Variants in RARB observed in about 807,000 individuals in gnomAD.
RARB encodes the protein HBV-activated protein.
A neutral mutation model predicts 51.9 loss-of-function variants in RARB; 17 were observed. The observed-to-expected ratio is 0.33, with a 90% CI of 0.22 to 0.49. The LOEUF is 0.49. RARB is among the 20% of genes least tolerant of loss of function. The pLI, the probability that RARB is intolerant of heterozygous loss-of-function variation, is 0.99. For synonymous variants in RARB, 215 were observed against 195.4 expected, an observed-to-expected ratio of 1.10 and a Z score of -0.84; for missense variants, 369 against 550.8, an observed-to-expected ratio of 0.67 and a Z score of 3.30.
intron 2 of RARB, among the ~76,000 whole-genome samples, chr3:24,993,964 A>G (rs1428582257): frequency 6.6e-6 from 1 of 152,166 alleles, no homozygotes; most frequent in Non-Finnish European, 1.5e-5. Context: ...TGCAGTAAAC[A>G]TGGGATTGCA....
rs185054377 is a variant in RARB at position 24,980,029 on chromosome 3, G to A, written c.-379-80096G>A. On this transcript the variant is annotated intron_variant, in intron 2 of 11. Coordinates refer to the RARB transcript ENST00000383772. ...ATTTTATTTCTCCTTCACTTATGAA[G>A]CTTAGTTTGGCTGGATATGAAATTC... 5.5e-3 allele frequency among the ~76,000 whole-genome samples: 833 copies of A among 152,236 alleles called. 7 individuals are homozygous for A. Among genetic ancestry groups the A allele is most frequent in the African/African-American group, 0.019 (790 of 41,526 alleles).
intron 5 of RARB, among the ~76,000 whole-genome samples, chr3:25,371,340 C>T (rs1399125885): frequency 2.0e-5 from 3 of 152,156 alleles, no homozygotes; most frequent in Non-Finnish European, 2.9e-5. Flanking sequence ...GAGGGTAGCA[C>T]CATTCAACCT....
rs527778542 is a variant in RARB, at chr3:25,412,887, C to T, written c.179-48306C>T. 2.7e-3 allele frequency among the ~76,000 whole-genome samples: 404 copies of T among 152,106 alleles called. 2 individuals carry two copies. The highest frequency in any genetic ancestry group is 8.8e-3 in the African/African-American group (367 of 41,474). On this transcript the variant is annotated intron_variant, in intron 5 of 11. Transcript: ENST00000383772. Reference sequence around the variant, plus strand: ...ATACAAAATTATCCAGGCATGGTGGCGCATGCCTGTAATCCCACCTATTCA... The same window carrying T: ...ATACAAAATTATCCAGGCATGGTGGTGCATGCCTGTAATCCCACCTATTCA...
intron 2 of RARB, among the ~76,000 whole-genome samples, chr3:25,496,742 CAG>C (rs1329500599): frequency 1.3e-5 from 2 of 152,224 alleles, no homozygotes; most frequent in African/African-American, 4.8e-5. Flanking sequence ...TTAGATCAGT[CAG>C]AGAAGGCTTC....
intron 5 of RARB, among the ~76,000 whole-genome samples, chr3:25,197,836 C>T (rs1344783985): frequency 1.3e-5 from 2 of 151,810 alleles, no homozygotes; most frequent in Non-Finnish European, 2.9e-5. Context: ...AAAATCAATA[C>T]TGTTAAAATC....
chr3:25,521,039 A>G (rs1009138880), intron 3 of RARB, among the ~76,000 whole-genome samples: 9 of 152,204 alleles, frequency 5.9e-5, no homozygotes, highest in Admixed American at 5.9e-4. Context: ...GTGCTTTGAG[A>G]AATCAAAATG....
intron 3 of RARB, among the ~76,000 whole-genome samples, chr3:25,096,187 T>A (rs949054388): frequency 6.6e-6 from 1 of 152,250 alleles, no homozygotes; most frequent in Non-Finnish European, 1.5e-5. Flanking sequence ...TGTCTCCCAC[T>A]GGACTTCACT....
intron 2 of RARB, among the ~76,000 whole-genome samples, chr3:24,983,213 A>G (rs1366556115): frequency 3.3e-5 from 5 of 152,008 alleles, no homozygotes; most frequent in Admixed American, 3.3e-4. Context: ...TGCCAACCTC[A>G]TTATATCTTT....
intron 5 of RARB, among the ~76,000 whole-genome samples, chr3:25,228,721 G>T (rs1559514138): frequency 6.6e-6 from 1 of 152,012 alleles, no homozygotes; most frequent in African/African-American, 2.4e-5. Flanking sequence ...CTCTATGTGT[G>T]ACTTTTTGTG....
At chr3:25,364,128 T>A (rs754833939) in intron 5 of RARB, among the ~76,000 whole-genome samples, 119 of 152,344 alleles carry the variant, frequency 7.8e-4, no homozygotes, top group Middle Eastern at 6.8e-3. Context: ...TATCTATTCT[T>A]TTTTTGTTTT....
rs1412328032 is a variant in RARB at position 25,091,017 on chromosome 3, G to A, written c.-328+30841G>A. The stretch of plus-strand genomic sequence containing the variant: ...GGACATAATGAACAGTTACAGCTTT[G>A]CGTGCAATTATTTAATTGGGGAATG... On this transcript the variant is annotated intron_variant, in intron 3 of 11. Coordinates refer to the RARB transcript ENST00000383772. 2.0e-5 allele frequency among the ~76,000 whole-genome samples: 3 copies of A among 152,160 alleles called. No homozygotes were observed. The East Asian group carries it at 5.8e-4, about 29-fold the overall frequency.
At chr3:25,050,625 A>G (rs1354076567) in intron 2 of RARB, among the ~76,000 whole-genome samples, 1 of 152,092 alleles carries the variant, frequency 6.6e-6, no homozygotes, top group Non-Finnish European at 1.5e-5. Flanking sequence ...AGTTTCTTGT[A>G]TTTCATTCCA....
intron 3 of RARB, among the ~76,000 whole-genome samples, chr3:25,521,291 A>G (rs1270694589): frequency 2.6e-5 from 4 of 152,214 alleles, no homozygotes; most frequent in African/African-American, 4.8e-5. Context: ...CATCTAAAAG[A>G]TACAACCATC....
chr3:24,952,404 C>T (rs1393982504), intron 2 of RARB, among the ~76,000 whole-genome samples: 1 of 152,144 alleles, frequency 6.6e-6, no homozygotes, highest in Non-Finnish European at 1.5e-5. Context: ...TTGTTTTTGA[C>T]CCTCTCAAAA....
At chr3:25,288,078 A>G (rs1026957686) in intron 5 of RARB, among the ~76,000 whole-genome samples, 1 of 152,172 alleles carries the variant, frequency 6.6e-6, no homozygotes, top group African/African-American at 2.4e-5. Context: ...TAAAGTATCA[A>G]GCTTAGTATT....
chr3:25,392,840 AC>A (rs1275644043), intron 5 of RARB, among the ~76,000 whole-genome samples: 1 of 152,092 alleles, frequency 6.6e-6, no homozygotes, highest in Non-Finnish European at 1.5e-5. Flanking sequence ...GCAAACAGCA[AC>A]AGTTTTACTC....
At chr3:24,863,280 G>A (rs144830092) in intron 2 of RARB, among the ~76,000 whole-genome samples, 9 of 152,270 alleles carry the variant, frequency 5.9e-5, no homozygotes, top group East Asian at 5.8e-4. Flanking sequence ...TGAACCAACC[G>A]AGCTAACCAG....
intron 5 of RARB, among the ~76,000 whole-genome samples, chr3:25,242,518 G>A (rs1292831750): frequency 2.0e-5 from 3 of 152,058 alleles, no homozygotes; most frequent in African/African-American, 4.8e-5. Context: ...TCAGTTTTCT[G>A]CATATGACTA....
intron 3 of RARB, among the ~76,000 whole-genome samples, chr3:25,529,685 A>C (rs1337682559): frequency 6.6e-6 from 1 of 152,162 alleles, no homozygotes; most frequent in Non-Finnish European, 1.5e-5. Flanking sequence ...TATCTTGATC[A>C]TAGTGGTTTT....
Sources: allele counts gnomAD v4.1 joint callset (sites outside exome capture counted in the v4.1 genomes callset), GRCh38; gene constraint gnomAD v4.1.1; transcripts MANE v1.5; gene names NCBI Gene and HGNC (gene_info 2026-07-23, HGNC 2026-07-21).